SNTB1: variants seen among roughly 807,000 people sequenced by gnomAD.
SNTB1 encodes the protein beta-1-syntrophin.
SNTB1 carries 36 observed loss-of-function variants against 48.9 expected under a neutral mutation model. That is an observed-to-expected ratio of 0.74 (90% confidence interval 0.56 to 0.97). The LOEUF (loss-of-function observed/expected upper bound fraction) is 0.97. Among genes scored for constraint, SNTB1 ranks in the 50% least tolerant of loss-of-function variants. SNTB1 has a pLI of 0.00. For missense variants in SNTB1, 786 were observed against 703.4 expected (o/e 1.12, Z -1.33); for synonymous variants, 299 against 294.6 (o/e 1.01, Z -0.15).
intron 4 of SNTB1, among the ~76,000 whole-genome samples, chr8:120,551,812 T>C (rs1267765971): frequency 6.6e-6 from 1 of 151,684 alleles, no homozygotes; most frequent in South Asian, 2.1e-4. Flanking sequence ...AACTAGCATA[T>C]GGTTTGTGCT....
chr8:120,674,299 T>G (rs2129794610), intron 2 of SNTB1, among the ~76,000 whole-genome samples: 1 of 152,328 alleles, frequency 6.6e-6, no homozygotes, highest in South Asian at 2.1e-4. Context: ...CATCCAGCCA[T>G]CTATCCATTC....
At chr8:120,551,128 C>T (rs1170655582) in intron 4 of SNTB1, among the ~76,000 whole-genome samples, 2 of 151,784 alleles carry the variant, frequency 1.3e-5, no homozygotes, top group Non-Finnish European at 2.9e-5. Flanking sequence ...TGGTGGCACG[C>T]ACCTGTAATT....
At chr8:120,614,754 T>A (rs1324545262) in intron 3 of SNTB1, among the ~76,000 whole-genome samples, 1 of 151,848 alleles carries the variant, frequency 6.6e-6, no homozygotes, top group East Asian at 1.9e-4. Context: ...GTGGAGGGAT[T>A]TTTTTTTAAT....
intron 4 of SNTB1, among the ~76,000 whole-genome samples, chr8:120,553,651 T>A (rs897971235): frequency 1.3e-5 from 2 of 152,222 alleles, no homozygotes; most frequent in African/African-American, 4.8e-5. Context: ...ACCATTAAAA[T>A]GTAGAGCAAT....
At chr8:120,678,211 G>GT (rs11452531) in intron 2 of SNTB1, among the ~76,000 whole-genome samples, 9,371 of 152,164 alleles carry the variant, frequency 0.062, 928 homozygotes, top group African/African-American at 0.21. Context: ...ACTGAGAACA[G>GT]TTACTGCTCA....
At chr8:120,742,552 C>T (rs999819909) in intron 1 of SNTB1, among the ~76,000 whole-genome samples, 6 of 152,194 alleles carry the variant, frequency 3.9e-5, no homozygotes, top group African/African-American at 1.2e-4. Context: ...TGCTGAGCTT[C>T]CTCCTACAGC....
intron 2 of SNTB1, among the ~76,000 whole-genome samples, chr8:120,668,723 G>A (rs754363415): frequency 1.3e-5 from 2 of 152,094 alleles, no homozygotes; most frequent in Non-Finnish European, 2.9e-5. Flanking sequence ...TTCTTCTGGC[G>A]CCTGCCAACA....
At position 120,602,016 on chromosome 8, in the gene SNTB1, A is replaced by AAAC. The variant is rs566275991; in HGVS notation, c.997-26794_997-26792dup. ...GGCAAAACAAACAAAAAACAAAAAC[A>AAAC]AACAACAACAAAAAACTTGATTAAA... On this transcript the variant is annotated intron_variant, in intron 3 of 6. Coordinates refer to ENST00000517992, the MANE Select transcript of SNTB1 (RefSeq NM_021021.4). Among the ~76,000 whole-genome samples the AAAC allele has an allele frequency of 2.6e-3, 401 of 152,380 alleles. 2 individuals are homozygous for AAAC. Among genetic ancestry groups the AAAC allele is most frequent in the African/African-American group, 8.9e-3 (371 of 41,594 alleles).
intron 2 of SNTB1, among the ~76,000 whole-genome samples, chr8:120,642,951 G>A (rs1223337943): frequency 2.0e-5 from 3 of 152,126 alleles, no homozygotes; most frequent in Non-Finnish European, 2.9e-5. Context: ...CCAAACATCT[G>A]TTATCTCACA....
chr8:120,649,310 G>T (rs1282561521), intron 2 of SNTB1, among the ~76,000 whole-genome samples: 1 of 147,644 alleles, frequency 6.8e-6, no homozygotes, highest in Non-Finnish European at 1.5e-5. Flanking sequence ...ATCTACTTTT[G>T]GTCTTTGATG....
At chr8:120,752,791 T>C (rs1287029211) in intron 1 of SNTB1, among the ~76,000 whole-genome samples, 2 of 151,484 alleles carry the variant, frequency 1.3e-5, no homozygotes, top group Non-Finnish European at 2.9e-5. Flanking sequence ...TGGACATAAG[T>C]AAAGGAACAA....
chr8:120,726,047 C>G (rs557137935), intron 1 of SNTB1, among the ~76,000 whole-genome samples: 18 of 152,238 alleles, frequency 1.2e-4, no homozygotes, highest in African/African-American at 4.3e-4. Flanking sequence ...TATATTGAAA[C>G]GACTGCCTCT....
chr8:120,759,724 G>A (rs1005943630), intron 1 of SNTB1, among the ~76,000 whole-genome samples: 3 of 152,138 alleles, frequency 2.0e-5, no homozygotes, highest in Admixed American at 6.6e-5. Flanking sequence ...GGCCCAAGAC[G>A]AACTTCATAG....
At chr8:120,752,924 A>G (rs1819247401) in intron 1 of SNTB1, among the ~76,000 whole-genome samples, 1 of 150,594 alleles carries the variant, frequency 6.6e-6, no homozygotes, top group South Asian at 2.1e-4. Flanking sequence ...CCCCAGCAAC[A>G]TGCAATTTAC....
chr8:120,734,209 C>G (rs1164358803), intron 1 of SNTB1, among the ~76,000 whole-genome samples: 2 of 152,006 alleles, frequency 1.3e-5, no homozygotes, highest in Non-Finnish European at 2.9e-5. Context: ...TTTGGGAGGC[C>G]GAGGTGGGCA....
At chr8:120,613,375 G>A (rs150780620) in intron 3 of SNTB1, among the ~76,000 whole-genome samples, 317 of 151,728 alleles carry the variant, frequency 2.1e-3, no homozygotes, top group African/African-American at 7.4e-3. Flanking sequence ...TTGATTGCAT[G>A]GAGGTAGATA....
intron 1 of SNTB1, chr8:120,775,277 T>C (rs1048721078): frequency 6.6e-6 from 1 of 152,144 alleles, no homozygotes; most frequent in African/African-American, 2.4e-5. Flanking sequence ...CATTGCAGGC[T>C]TTGAATCCCA....
At position 120,811,788 on chromosome 8, in the gene SNTB1, C is replaced by T. The variant is rs545396402; in HGVS notation, c.56G>A (p.Arg19Gln). 8.4e-4 allele frequency: 1,223 copies of T among 1,453,112 alleles called. 15 individuals are homozygous for T. The East Asian group carries it at 0.018, about 22-fold the overall frequency. 90.0% of individuals were successfully genotyped at this position (1,453,112 alleles called of 1,614,324 possible). A position where few individuals can be genotyped will look rare whatever the true frequency, so the allele number is the denominator to read the frequency against. The change falls in exon 1 of 7, where the codon CGG becomes CAG. Residue 19 changes from arginine (R) to glutamine (Q), a missense_variant. Transcript: ENST00000517992. ...AAGPAGAGGGRAQRSGLLEVL... is the reference protein window; with the variant it reads ...AAGPAGAGGGQAQRSGLLEVL... ...TTCCAGCAGCCCGCTCCGCTGCGCC[C>T]GGCCGCCTCCCGCGCCAGCCGGCCC...
intron 4 of SNTB1, among the ~76,000 whole-genome samples, chr8:120,562,652 T>C (rs1486612267): frequency 1.3e-5 from 2 of 152,214 alleles, no homozygotes; most frequent in Non-Finnish European, 2.9e-5. Context: ...AGGGTTAGCA[T>C]GGAAACCACA....
Sources: allele counts gnomAD v4.1 joint callset (sites outside exome capture counted in the v4.1 genomes callset), GRCh38; gene constraint gnomAD v4.1.1; transcripts MANE v1.5; gene names NCBI Gene and HGNC (gene_info 2026-07-23, HGNC 2026-07-21).